TAFA5: variants seen among roughly 807,000 people sequenced by gnomAD.
TAFA5 encodes the protein TAFA chemokine like family member 5.
Under a neutral mutation model 15.3 loss-of-function variants are expected in TAFA5, and 6 were observed. The observed-to-expected ratio is 0.39, with a 90% CI of 0.21 to 0.77. The LOEUF (loss-of-function observed/expected upper bound fraction) is 0.77. Among genes scored for constraint, TAFA5 ranks in the 30% least tolerant of loss-of-function variants. The pLI, the probability that TAFA5 is intolerant of heterozygous loss-of-function variation, is 0.41. For synonymous variants in TAFA5, 103 were observed against 80.7 expected (o/e 1.28, Z -1.48); for missense variants, 161 against 193.1 (o/e 0.83, Z 0.98).
chr22:48,688,843 C>T (rs5771722), intron 2 of TAFA5, among the ~76,000 whole-genome samples: 86,161 of 151,846 alleles, frequency 0.57, 24,671 homozygotes, highest in Non-Finnish European at 0.61. Flanking sequence ...ATATAAAAAA[C>T]TAGCCAGGTG....
chr22:48,577,443 C>T (rs1923854722), intron 1 of TAFA5, among the ~76,000 whole-genome samples: 1 of 152,174 alleles, frequency 6.6e-6, no homozygotes, highest in Admixed American at 6.5e-5. Context: ...CGTTGGCCTC[C>T]CCCCGGGCAC....
At chr22:48,584,727 G>A (rs913394926) in intron 1 of TAFA5, among the ~76,000 whole-genome samples, 46 of 130,818 alleles carry the variant, frequency 3.5e-4, no homozygotes, top group African/African-American at 9.1e-4. Flanking sequence ...CACCCCACAC[G>A]CACCATATAC....
intron 2 of TAFA5, among the ~76,000 whole-genome samples, chr22:48,671,613 C>A (rs17223559): frequency 6.6e-6 from 1 of 152,142 alleles, no homozygotes; most frequent in East Asian, 1.9e-4. Flanking sequence ...TCCCAGTCAG[C>A]GAGCCTGAGT....
At chr22:48,749,737 G>T in intron 3 of TAFA5, 102 bp from the exon 4 acceptor site, 1 of 1,370,174 alleles carries the variant, frequency 7.3e-7, no homozygotes. Context: ...CCCTCCAGGA[G>T]GCCGGCTGGC....
At chr22:48,674,756 T>C (rs73175144) in intron 2 of TAFA5, among the ~76,000 whole-genome samples, 1,919 of 152,212 alleles carry the variant, frequency 0.013, 27 homozygotes, top group Non-Finnish European at 0.019. Flanking sequence ...GGGTCTGCAG[T>C]GTGATGGGAG....
At chr22:48,534,339 G>A (rs1922076864) in intron 1 of TAFA5, among the ~76,000 whole-genome samples, 1 of 151,954 alleles carries the variant, frequency 6.6e-6, no homozygotes, top group Admixed American at 6.6e-5. Flanking sequence ...GTAGGTGAGG[G>A]GCCAGGCAGT....
intron 2 of TAFA5, among the ~76,000 whole-genome samples, chr22:48,656,191 A>C (rs188124846): frequency 4.8e-4 from 73 of 152,086 alleles, no homozygotes; most frequent in African/African-American, 1.6e-3. Context: ...GTCTGCTAGA[A>C]CCACCCTTGT....
chr22:48,564,502 G>A (rs1923344848), intron 1 of TAFA5, among the ~76,000 whole-genome samples: 1 of 152,254 alleles, frequency 6.6e-6, no homozygotes. Flanking sequence ...GCTGTCACAT[G>A]TGGTCTGGTC....
chr22:48,688,861 G>A (rs13058042), intron 2 of TAFA5, among the ~76,000 whole-genome samples: 2,030 of 152,074 alleles, frequency 0.013, 46 homozygotes, highest in East Asian at 0.092. Flanking sequence ...GTGTGGTGGC[G>A]CATGCCTGTA....
At position 48,525,013 on chromosome 22, in the gene TAFA5, C is replaced by T. The variant is rs151136234; in HGVS notation, c.112+35309C>T. On this transcript the variant is annotated intron_variant, in intron 1 of 3. Transcript: ENST00000402357. ...CCTGTAGAGCCGCAACTTCTCTCCG[C>T]CCTGCCCTCAGCTTTTGTTCTCACA... is the stretch of plus-strand genomic sequence containing the variant. Among the ~76,000 whole-genome samples, 17 of 152,258 alleles carry T rather than the reference C, an allele frequency of 1.1e-4. No homozygotes were observed. The East Asian group carries it at 3.1e-3, about 28-fold the overall frequency.
chr22:48,623,141 C>A (rs1426246368), intron 1 of TAFA5, among the ~76,000 whole-genome samples: 3 of 152,228 alleles, frequency 2.0e-5, no homozygotes, highest in African/African-American at 7.2e-5. Context: ...TCACCTTCGA[C>A]CTTGCAGGAT....
At chr22:48,540,286 C>G (rs545729777) in intron 1 of TAFA5, among the ~76,000 whole-genome samples, 2 of 152,216 alleles carry the variant, frequency 1.3e-5, no homozygotes, top group East Asian at 3.9e-4. Flanking sequence ...AGCCTGCTCC[C>G]CAGGACCAGG....
At chr22:48,565,506 C>T (rs1359597604) in intron 1 of TAFA5, among the ~76,000 whole-genome samples, 1 of 152,262 alleles carries the variant, frequency 6.6e-6, no homozygotes. Flanking sequence ...TTCAACTCTG[C>T]TTAGCTCAAC....
intron 2 of TAFA5, among the ~76,000 whole-genome samples, chr22:48,692,079 T>C (rs1324269533): frequency 6.6e-6 from 1 of 152,170 alleles, no homozygotes; most frequent in African/African-American, 2.4e-5. Flanking sequence ...GAACCTGGGA[T>C]GGGGCAGTGT....
intron 1 of TAFA5, among the ~76,000 whole-genome samples, chr22:48,528,136 C>T (rs1435826007): frequency 2.0e-5 from 3 of 152,182 alleles, no homozygotes; most frequent in Admixed American, 6.5e-5. Context: ...CTGATGGCGT[C>T]GATGATGCTG....
At chr22:48,615,403 A>G (rs1351428188) in intron 1 of TAFA5, among the ~76,000 whole-genome samples, 1 of 151,864 alleles carries the variant, frequency 6.6e-6, no homozygotes, top group Non-Finnish European at 1.5e-5. Flanking sequence ...GGCAGTGGGG[A>G]GGTTGTGGCA....
Position 48,544,955 on chromosome 22 carries a change from C to T in TAFA5, c.112+55251C>T, listed in dbSNP as rs1387031570. 3 of 450,990 alleles carry T rather than the reference C, an allele frequency of 6.7e-6. No individual in the cohort carries two copies. In the East Asian group the frequency reaches 2.1e-4, roughly 32 times the overall value. The allele number at this position is 450,990 out of a possible 1,614,324, so 27.9% of individuals were successfully genotyped here. A position where few individuals can be genotyped will look rare whatever the true frequency, so the allele number is the denominator to read the frequency against. On this transcript the variant is annotated intron_variant, in intron 1 of 3. Transcript: ENST00000402357. ...GGGTGTGAAGGAAGGATGCTGAGCG[C>T]ACCTGCTTTTCAGTGGGCAGCAGCC...
chr22:48,512,731 T>C (rs1005912640), intron 1 of TAFA5, among the ~76,000 whole-genome samples: 2 of 151,574 alleles, frequency 1.3e-5, no homozygotes, highest in African/African-American at 4.8e-5. Flanking sequence ...CCATCCTGGC[T>C]AACACAGTGA....
At chr22:48,725,162 C>T (rs902034367) in intron 3 of TAFA5, among the ~76,000 whole-genome samples, 4 of 152,242 alleles carry the variant, frequency 2.6e-5, no homozygotes, top group Non-Finnish European at 5.9e-5. Flanking sequence ...GCACATCGCC[C>T]GGACCTTTCA....
Sources: gnomAD v4.1 joint callset for allele counts (sites outside exome capture counted in the v4.1 genomes callset) on GRCh38, gnomAD v4.1.1 for gene constraint, MANE v1.5 for transcripts, NCBI Gene and HGNC (gene_info 2026-07-23, HGNC 2026-07-21) for gene names.